MELK: variants seen among roughly 807,000 people sequenced by gnomAD.
The protein encoded by MELK is maternal embryonic leucine zipper kinase.
In MELK, 81 loss-of-function variants were observed where a neutral mutation model predicts 85.0. That is an observed-to-expected ratio of 0.95 (90% CI 0.80 to 1.15). The LOEUF (loss-of-function observed/expected upper bound fraction) is 1.15. MELK is among the 50% of genes most tolerant of loss of function. MELK has a pLI of 0.00. For missense variants in MELK, 754 were observed against 777.5 expected (o/e 0.97, Z 0.36); for synonymous variants, 252 against 265.0 (o/e 0.95, Z 0.48).
chr9:36,669,475 A>G (rs1326322539), intron 15 of MELK, 69 bp downstream of exon 15: 4 of 1,069,392 alleles, frequency 3.7e-6, no homozygotes, highest in Middle Eastern at 2.6e-4. Context: ...TCATGTATTA[A>G]TAGACCTGAT....
intron 13 of MELK, among the ~76,000 whole-genome samples, chr9:36,662,762 A>C (rs560639552): frequency 6.6e-6 from 1 of 152,132 alleles, no homozygotes; most frequent in African/African-American, 2.4e-5. Flanking sequence ...TGAAAAACCA[A>C]CCTCAGTCTA....
chr9:36,587,207 T>C (rs2135224329), intron 3 of MELK, among the ~76,000 whole-genome samples: 1 of 152,094 alleles, frequency 6.6e-6, no homozygotes, highest in Admixed American at 6.6e-5. Flanking sequence ...AAGATTATCA[T>C]ACCAAGATAG....
At chr9:36,644,596 G>A (rs1226300345) in intron 11 of MELK, among the ~76,000 whole-genome samples, 3 of 152,164 alleles carry the variant, frequency 2.0e-5, no homozygotes, top group Non-Finnish European at 4.4e-5. Context: ...TGTAAGATTT[G>A]TGTGGTCCTC....
At chr9:36,628,560 C>T (rs2136407686) in intron 8 of MELK, among the ~76,000 whole-genome samples, 1 of 152,118 alleles carries the variant, frequency 6.6e-6, no homozygotes, top group Admixed American at 6.6e-5. Flanking sequence ...GCTGGGACTA[C>T]AGGTGCGTGC....
intron 8 of MELK, among the ~76,000 whole-genome samples, chr9:36,613,129 T>C (rs1486087087): frequency 6.6e-6 from 1 of 152,198 alleles, no homozygotes; most frequent in African/African-American, 2.4e-5. Flanking sequence ...TGTTTCTTTT[T>C]TCCCCTTTTC....
In MELK at chr9:36,665,467, G is replaced by A. The variant is rs954971762; in HGVS notation, c.1294G>A (p.Ala432Thr). The change falls in exon 14 of 18, where the codon GCT becomes ACT. Residue 432 changes from alanine (A) to threonine (T), a missense_variant. By Grantham distance (58) the Ala-to-Thr change is moderately conservative. Coordinates refer to ENST00000298048, the MANE Select transcript of MELK (RefSeq NM_014791.4). Reference sequence around the variant, plus strand: ...AGAAAATGTATATACTCCTAAGTCTGCTGTAAAGAATGAAGAGTACTTTAT... The same window carrying A: ...AGAAAATGTATATACTCCTAAGTCTACTGTAAAGAATGAAGAGTACTTTAT... ...NKENVYTPKS[A>T]VKNEEYFMFP... 7 of 1,613,020 alleles carry A rather than the reference G, an allele frequency of 4.3e-6. No homozygotes were observed. Among genetic ancestry groups the A allele is most frequent in the Non-Finnish European group, 5.1e-6 (6 of 1,179,244 alleles).
intron 13 of MELK, among the ~76,000 whole-genome samples, chr9:36,664,514 A>G (rs1353844359): frequency 6.6e-6 from 1 of 152,192 alleles, no homozygotes; most frequent in Non-Finnish European, 1.5e-5. Flanking sequence ...TTCTGGGACC[A>G]TGCAGGTTGT....
At chr9:36,649,315 T>C (rs973291370) in intron 11 of MELK, among the ~76,000 whole-genome samples, 2 of 151,802 alleles carry the variant, frequency 1.3e-5, no homozygotes, top group Non-Finnish European at 2.9e-5. Flanking sequence ...TGAAACCCTG[T>C]CTCTACTAAA....
At chr9:36,633,320 T>G in intron 10 of MELK, 120 bp downstream of exon 10, 1 of 681,636 alleles carries the variant, frequency 1.5e-6, no homozygotes, top group South Asian at 2.1e-5. Flanking sequence ...GATTGGTGTT[T>G]GGGAGACTTG....
At chr9:36,604,064 A>AGGCGATTCTCATTGG (rs1825208990) in intron 7 of MELK, among the ~76,000 whole-genome samples, 1 of 137,654 alleles carries the variant, frequency 7.3e-6, no homozygotes, top group East Asian at 2.2e-4. Flanking sequence ...CTGCCTCCCG[A>AGGCGATTCTCATTGG]GTTCAAGCGA....
intron 11 of MELK, among the ~76,000 whole-genome samples, chr9:36,650,657 C>T (rs993879560): frequency 3.3e-5 from 5 of 152,184 alleles, no homozygotes; most frequent in African/African-American, 1.2e-4. Context: ...CCCATGCATG[C>T]GCCCTCAGGA....
In MELK at chr9:36,589,395, G is replaced by A. The variant is rs1008788632; in HGVS notation, c.145-141G>A. 25 of 611,242 alleles carry A rather than the reference G, an allele frequency of 4.1e-5. No homozygotes were observed. In the East Asian group the frequency reaches 5.4e-4, roughly 13 times the overall value. The allele number at this position is 611,242 out of a possible 1,614,324, so 37.9% of individuals were successfully genotyped here. ...GATTTCCTGACCTCATGATCCGCCC[G>A]CCTCGGCCTCCCAAAGTGCGGGATT... On this transcript the variant is annotated intron_variant, in intron 3 of 17. Coordinates refer to ENST00000298048, the MANE Select transcript of MELK (RefSeq NM_014791.4).
At chr9:36,598,430 G>A (rs931050224) in intron 6 of MELK, among the ~76,000 whole-genome samples, 2 of 152,048 alleles carry the variant, frequency 1.3e-5, no homozygotes, top group African/African-American at 4.8e-5. Context: ...TGTTTCAGTT[G>A]TAAATGACAT....
intron 8 of MELK, among the ~76,000 whole-genome samples, chr9:36,610,132 G>GT (rs1049594382): frequency 4.6e-5 from 7 of 152,154 alleles, no homozygotes; most frequent in African/African-American, 1.7e-4. Flanking sequence ...GGAATGGGCA[G>GT]TTTTTTGTAG....
intron 12 of MELK, among the ~76,000 whole-genome samples, chr9:36,656,971 C>G (rs560472179): frequency 6.6e-6 from 1 of 152,236 alleles, no homozygotes; most frequent in African/African-American, 2.4e-5. Context: ...TGTGTTAGAG[C>G]CACCTACTGT....
chr9:36,581,628 ACT>A lies in MELK; in HGVS notation c.-38-11_-38-10del, dbSNP rs1367250052. ...GTATTATTTCCTTTATTGATTATGT[ACT>A]CTCTGTCTTCTAGGTTCTTTTTCTA... On this transcript the variant is annotated splice_polypyrimidine_tract_variant and intron_variant, in intron 1 of 17. Transcript: ENST00000298048. 1.6e-6 allele frequency: 2 copies of A among 1,231,608 alleles called. No individual in the cohort carries two copies. Among genetic ancestry groups the A allele is most frequent in the East Asian group, 2.3e-5 (1 of 42,766 alleles). The allele number at this position is 1,231,608 out of a possible 1,614,324, so 76.3% of individuals were successfully genotyped here.
chr9:36,627,095 C>A (rs1021777166), intron 8 of MELK, among the ~76,000 whole-genome samples: 2 of 150,854 alleles, frequency 1.3e-5, no homozygotes, highest in African/African-American at 4.9e-5. Context: ...CACACGCCAA[C>A]TGTAAATGAA....
At chr9:36,595,414 G>A (rs1824104092) in intron 5 of MELK, among the ~76,000 whole-genome samples, 1 of 152,026 alleles carries the variant, frequency 6.6e-6, no homozygotes. Context: ...GGGATTACAG[G>A]TGTGATCCAC....
chr9:36,657,129 G>T, intron 12 of MELK, 112 bp from the exon 13 acceptor site: 1 of 1,219,254 alleles, frequency 8.2e-7, no homozygotes, highest in East Asian at 2.5e-5. Context: ...TGATAAAATT[G>T]CCTAATACAT....
Sources: allele counts gnomAD v4.1 joint callset (sites outside exome capture counted in the v4.1 genomes callset), GRCh38; gene constraint gnomAD v4.1.1; transcripts MANE v1.5; gene names NCBI Gene and HGNC (gene_info 2026-07-23, HGNC 2026-07-21).